The following ZDHHC13 variants were observed in gnomAD, a reference collection of about 807,000 sequenced individuals.
ZDHHC13 encodes palmitoyltransferase ZDHHC13.
ZDHHC13 carries 85 observed loss-of-function variants against 86.0 expected under a neutral mutation model. That is an observed-to-expected ratio of 0.99 (90% CI 0.83 to 1.18). The LOEUF (loss-of-function observed/expected upper bound fraction) is 1.18. Among genes scored for constraint, ZDHHC13 ranks in the 50% most tolerant of loss-of-function variants. The probability of loss-of-function intolerance (pLI) is 0.00; values close to 1 mark genes in which losing one functional copy is unlikely to be tolerated. For synonymous variants in ZDHHC13, 263 were observed against 246.4 expected (o/e 1.07, Z -0.63); for missense variants, 711 against 730.2 (o/e 0.97, Z 0.30).
Position 19,150,710 on chromosome 11 carries a change from G to T in ZDHHC13, c.520-17G>T, listed in dbSNP as rs1849583540. The T allele has an allele frequency of 6.3e-7, 1 of 1,597,410 alleles. No individual in the cohort carries two copies. The highest frequency in any genetic ancestry group is 8.6e-7 in the Non-Finnish European group (1 of 1,168,218). On this transcript the variant is annotated splice_polypyrimidine_tract_variant and intron_variant, in intron 5 of 16. Coordinates refer to ENST00000446113, the MANE Select transcript of ZDHHC13 (RefSeq NM_019028.3). ...GAGTGTATTTACAGTTATGCTAATT[G>T]TCTTCTTTTTGAATAGAGTGTGAAT...
intron 1 of ZDHHC13, among the ~76,000 whole-genome samples, chr11:19,118,282 G>T (rs951765491): frequency 1.3e-5 from 2 of 152,180 alleles, no homozygotes; most frequent in Non-Finnish European, 2.9e-5. Flanking sequence ...TTCCAGTCCC[G>T]AGAGTGTTCC....
Position 19,122,237 on chromosome 11 carries a change from A to G in ZDHHC13, c.27+4961A>G, listed in dbSNP as rs1848773275. Among the ~76,000 whole-genome samples the G allele has an allele frequency of 2.6e-5, 4 of 152,304 alleles. No homozygotes were observed. In the East Asian group the frequency reaches 7.7e-4, roughly 29 times the overall value. On this transcript the variant is annotated intron_variant, in intron 1 of 16. Coordinates refer to ENST00000446113, the MANE Select transcript of ZDHHC13 (RefSeq NM_019028.3). ...TAATAGCTCAGTATATGTTCATGGC[A>G]AGATTTGAATTAAAGATGGTGGTTA... is the stretch of plus-strand genomic sequence containing the variant.
intron 11 of ZDHHC13, among the ~76,000 whole-genome samples, chr11:19,163,804 C>T (rs1463857645): frequency 7.2e-5 from 11 of 152,032 alleles, no homozygotes. Flanking sequence ...GAGGAGATGC[C>T]CCTCCTCCTC....
At chr11:19,121,755 G>A (rs1255299245) in intron 1 of ZDHHC13, among the ~76,000 whole-genome samples, 1 of 152,150 alleles carries the variant, frequency 6.6e-6, no homozygotes, top group Non-Finnish European at 1.5e-5. Flanking sequence ...AGTGACTATT[G>A]TAATAGCTCA....
At position 19,143,059 on chromosome 11, in the gene ZDHHC13, A is replaced by C; in HGVS notation, c.109A>C (p.Asn37His). 6.2e-7 allele frequency: 1 copy of C among 1,613,276 alleles called. No homozygotes were observed. The highest frequency in any genetic ancestry group is 8.5e-7 in the Non-Finnish European group (1 of 1,179,588). ...TGCACATGAAAACAAAGAACTTGCC[A>C]ATGCAAGAGAAGCTCTTCCTCTTAT... ...ICAHENKELA[N>H]AREALPLIED... Residue 37 changes from asparagine to histidine, a missense_variant, in exon 2 of 17, where the codon AAT becomes CAT. Asn to His is a moderately conservative substitution (Grantham distance 68, BLOSUM62 1). Transcript: ENST00000446113.
At chr11:19,132,756 G>GTTTTT (rs1220389619) in intron 1 of ZDHHC13, among the ~76,000 whole-genome samples, 70 of 152,032 alleles carry the variant, frequency 4.6e-4, no homozygotes, top group African/African-American at 1.6e-3. Context: ...TTGTGTATTT[G>GTTTTT]TTTTGTTTTG....
chr11:19,166,265 G>T, intron 13 of ZDHHC13, 37 bp from the exon 14 acceptor site: 1 of 1,549,800 alleles, frequency 6.5e-7, no homozygotes, highest in South Asian at 1.2e-5. Flanking sequence ...CAGAAGAAAC[G>T]AAAATATTAA....
intron 1 of ZDHHC13, among the ~76,000 whole-genome samples, chr11:19,131,057 C>T (rs573823165): frequency 6.6e-6 from 1 of 151,838 alleles, no homozygotes; most frequent in Admixed American, 6.6e-5. Flanking sequence ...CTCGCTTTCT[C>T]ACCCAGGCTG....
At chr11:19,159,763 G>C (rs1849859285) in intron 10 of ZDHHC13, among the ~76,000 whole-genome samples, 1 of 151,936 alleles carries the variant, frequency 6.6e-6, no homozygotes, top group South Asian at 2.1e-4. Context: ...GGGGTGTGTT[G>C]TTCTCTTAGT....
chr11:19,168,958 C>G, intron 14 of ZDHHC13: 2 of 985,124 alleles, frequency 2.0e-6, no homozygotes, highest in Non-Finnish European at 2.4e-6. Context: ...AAACGTTTGA[C>G]CTGGAATGAT....
At chr11:19,153,346 A>T (rs1312437718) in intron 8 of ZDHHC13, among the ~76,000 whole-genome samples, 1 of 152,204 alleles carries the variant, frequency 6.6e-6, no homozygotes, top group African/African-American at 2.4e-5. Flanking sequence ...ATACTATTTA[A>T]ATTGTTAAAA....
At chr11:19,138,050 A>G (rs1319447160) in intron 1 of ZDHHC13, among the ~76,000 whole-genome samples, 8 of 151,808 alleles carry the variant, frequency 5.3e-5, no homozygotes, top group Non-Finnish European at 8.8e-5. Context: ...AAGGCAAGAA[A>G]TAACTAAAAT....
At chr11:19,171,646 A>G (rs1850223968) in intron 15 of ZDHHC13, among the ~76,000 whole-genome samples, 1 of 152,174 alleles carries the variant, frequency 6.6e-6, no homozygotes, top group Non-Finnish European at 1.5e-5. Context: ...CATTTATAAT[A>G]CCTAGTATTT....
Position 19,170,556 on chromosome 11 carries a change from T to A in ZDHHC13, c.1620T>A (p.Asn540Lys), listed in dbSNP as rs1193307848. 1.3e-6 allele frequency: 2 copies of A among 1,525,710 alleles called. No individual in the cohort carries two copies. The highest frequency in any genetic ancestry group is 1.8e-6 in the Non-Finnish European group (2 of 1,141,012). The allele number at this position is 1,525,710 out of a possible 1,614,324, so 94.5% of individuals were successfully genotyped here. Residue 540 changes from asparagine to lysine, a missense_variant, in exon 15 of 17, where the codon AAT becomes AAA. Asn to Lys is a moderately conservative substitution (Grantham distance 94). Coordinates refer to ENST00000446113, the MANE Select transcript of ZDHHC13 (RefSeq NM_019028.3). ...CATGGTCAACATTTTTATTATTAAA[T>A]CAACTCTTTCAGGTATTTATTTCTC... ...HFSWSTFLLL[N>K]QLFQIAFLGL...
intron 10 of ZDHHC13, among the ~76,000 whole-genome samples, chr11:19,161,814 A>G (rs1307235031): frequency 6.6e-6 from 1 of 152,150 alleles, no homozygotes; most frequent in Non-Finnish European, 1.5e-5. Context: ...CTTCTGGTCA[A>G]GTGCAAAGGA....
intron 6 of ZDHHC13, among the ~76,000 whole-genome samples, chr11:19,151,277 A>G (rs1353074932): frequency 1.3e-5 from 2 of 152,026 alleles, no homozygotes; most frequent in Non-Finnish European, 2.9e-5. Flanking sequence ...TACATATTCA[A>G]GTTTTTCTGT....
At chr11:19,147,783 CT>C (rs1565031078) in intron 4 of ZDHHC13, 110 bp downstream of exon 4, 12 of 709,970 alleles carry the variant, frequency 1.7e-5, no homozygotes, top group East Asian at 6.4e-5. Context: ...CCCCCCCCCC[CT>C]TTATTTAAAA....
intron 14 of ZDHHC13, chr11:19,169,470 C>A: frequency 1.0e-6 from 1 of 985,444 alleles, no homozygotes; most frequent in Non-Finnish European, 1.2e-6. Flanking sequence ...ACAGGAAAGT[C>A]ATAGACTCAT....
At chr11:19,158,440 A>G (rs559967053) in intron 9 of ZDHHC13, among the ~76,000 whole-genome samples, 12 of 152,208 alleles carry the variant, frequency 7.9e-5, no homozygotes, top group African/African-American at 2.6e-4. Flanking sequence ...TGAAGTGTCT[A>G]CTTCTCAAGC....
Sources: allele counts gnomAD v4.1 joint callset (sites outside exome capture counted in the v4.1 genomes callset), GRCh38; gene constraint gnomAD v4.1.1; transcripts MANE v1.5; gene names NCBI Gene and HGNC (gene_info 2026-07-23, HGNC 2026-07-21).